The following IRAG1 variants were observed in gnomAD, a reference collection of about 807,000 sequenced individuals.
The protein encoded by IRAG1 is IP3R-associated cGMP kinase substrate.
In IRAG1, 62 loss-of-function variants were observed where a neutral mutation model predicts 106.2. The observed-to-expected ratio is 0.58, with a 90% confidence interval of 0.48 to 0.72. IRAG1 has a LOEUF of 0.72. Among genes scored for constraint, IRAG1 ranks in the 30% least tolerant of loss-of-function variants. The pLI is 0.00. For missense variants in IRAG1, 1,064 were observed against 1,140.7 expected (o/e 0.93, Z 0.97); for synonymous variants, 462 against 443.9 (o/e 1.04, Z -0.51).
chr11:10,664,163 G>T (rs1303261730), intron 1 of IRAG1, among the ~76,000 whole-genome samples: 1 of 152,146 alleles, frequency 6.6e-6, no homozygotes, highest in South Asian at 2.1e-4. Context: ...GCCCCTCTCC[G>T]AGGAACTGGA....
chr11:10,595,890 G>A (rs2134250393), intron 15 of IRAG1: 1 of 152,216 alleles, frequency 6.6e-6, no homozygotes, highest in East Asian at 1.9e-4. Flanking sequence ...TTGTTCCCTT[G>A]TTTATGGCCA....
At chr11:10,582,983 A>G (rs1365790362) in intron 18 of IRAG1, among the ~76,000 whole-genome samples, 1 of 152,190 alleles carries the variant, frequency 6.6e-6, no homozygotes, top group Non-Finnish European at 1.5e-5. Flanking sequence ...TTCCAGGAAG[A>G]GAATGCGGGT....
At position 10,633,980 on chromosome 11, in the gene IRAG1, T is replaced by G; in HGVS notation, c.317A>C (p.Asn106Thr). 6.2e-7 allele frequency: 1 copy of G among 1,610,600 alleles called. No homozygotes were observed. The highest frequency in any genetic ancestry group is 8.5e-7 in the Non-Finnish European group (1 of 1,177,876). Residue 106 changes from asparagine to threonine, a missense_variant, in exon 3 of 21, where the codon AAC (asparagine) becomes ACC (threonine). By Grantham distance (65) the Asn-to-Thr change is moderately conservative (BLOSUM62 0). Coordinates refer to ENST00000423302, the MANE Select transcript of IRAG1 (RefSeq NM_130385.4). ...ATSPEGETDK[N>T]LANRVHSPHK... ...CAGGCACCTGTACCTGTTGGCCAGG[T>G]TTTTGTCGGTTTCTCCTTCTGGTGA...
At chr11:10,685,350 A>C (rs183211606) in intron 1 of IRAG1, among the ~76,000 whole-genome samples, 1 of 149,960 alleles carries the variant, frequency 6.7e-6, no homozygotes, top group African/African-American at 2.4e-5. Flanking sequence ...TGGGAGGCAG[A>C]GGTTGCAGTG....
At chr11:10,684,730 T>G (rs1861539398) in intron 1 of IRAG1, among the ~76,000 whole-genome samples, 1 of 152,018 alleles carries the variant, frequency 6.6e-6, no homozygotes, top group African/African-American at 2.4e-5. Flanking sequence ...GCTGGCTACC[T>G]ACCTTTTCCT....
At chr11:10,636,432 C>A (rs111482970) in intron 2 of IRAG1, among the ~76,000 whole-genome samples, 53 of 152,292 alleles carry the variant, frequency 3.5e-4, no homozygotes, top group African/African-American at 1.2e-3. Flanking sequence ...CCACGTCTGC[C>A]TCTGAAGGTG....
At chr11:10,598,101 A>G (rs915662143) in intron 15 of IRAG1, among the ~76,000 whole-genome samples, 25 of 152,210 alleles carry the variant, frequency 1.6e-4, no homozygotes, top group African/African-American at 5.5e-4. Flanking sequence ...ATCTGAGGAT[A>G]TAGTCCTTGG....
In IRAG1 at chr11:10,576,171, A is replaced by G. The variant is rs940481636; in HGVS notation, c.*161T>C. The G allele has an allele frequency of 7.1e-5, 63 of 882,454 alleles. No individual in the cohort carries two copies. The highest frequency in any genetic ancestry group is 1.0e-4 in the Non-Finnish European group (59 of 588,984). 54.7% of individuals were successfully genotyped at this position (882,454 alleles called of 1,614,324 possible). A position where few individuals can be genotyped will look rare whatever the true frequency, so the allele number is the denominator to read the frequency against. ...CTCCAAGAACATCAAGTCACTGTGT[A>G]TGAATAGCTCCCACAGAAGTGCCGA... On this transcript the variant is annotated 3_prime_UTR_variant, in exon 21 of 21. Coordinates refer to ENST00000423302, the MANE Select transcript of IRAG1 (RefSeq NM_130385.4).
intron 1 of IRAG1, among the ~76,000 whole-genome samples, chr11:10,675,074 G>A (rs1483340161): frequency 6.6e-6 from 1 of 152,256 alleles, no homozygotes; most frequent in Non-Finnish European, 1.5e-5. Context: ...GGCTGCACCA[G>A]TGCTGGGCTG....
chr11:10,602,254 C>T (rs1854093386), intron 14 of IRAG1, among the ~76,000 whole-genome samples: 1 of 152,162 alleles, frequency 6.6e-6, no homozygotes, highest in African/African-American at 2.4e-5. Context: ...GCTGCACCAC[C>T]CCAGGAACCT....
In IRAG1 at chr11:10,618,636, T is replaced by C. The variant is rs573014956; in HGVS notation, c.1447+5142A>G. Among the ~76,000 whole-genome samples the C allele has an allele frequency of 1.1e-4, 16 of 152,262 alleles. No homozygotes were observed. The South Asian group carries it at 2.7e-3, about 26-fold the overall frequency. On this transcript the variant is annotated intron_variant, in intron 10 of 20. Coordinates refer to ENST00000423302, the MANE Select transcript of IRAG1 (RefSeq NM_130385.4). ...CCAAGAAAAGTGACATGAGCAGATA[T>C]CTAAAGATTGAGTTGGGAGTTCATT...
At chr11:10,613,051 T>C (rs892239369) in intron 10 of IRAG1, among the ~76,000 whole-genome samples, 1 of 151,990 alleles carries the variant, frequency 6.6e-6, no homozygotes, top group Admixed American at 6.6e-5. Context: ...AAGATTGAAG[T>C]ATATGGAGAT....
chr11:10,640,988 G>A (rs1201675832), intron 2 of IRAG1, among the ~76,000 whole-genome samples: 1 of 152,188 alleles, frequency 6.6e-6, no homozygotes, highest in East Asian at 1.9e-4. Flanking sequence ...AATTTCAAAT[G>A]TACAACAGAT....
chr11:10,600,435 T>C (rs371656851), intron 15 of IRAG1, among the ~76,000 whole-genome samples: 36 of 152,364 alleles, frequency 2.4e-4, no homozygotes, highest in African/African-American at 7.5e-4. Flanking sequence ...CCCAGTAATG[T>C]AACTGCCACA....
intron 18 of IRAG1, among the ~76,000 whole-genome samples, chr11:10,584,956 C>T (rs867388934): frequency 5.9e-5 from 9 of 152,064 alleles, no homozygotes; most frequent in South Asian, 2.1e-4. Flanking sequence ...AAATATGACT[C>T]ATAAAAAATC....
At chr11:10,579,233 T>C (rs549079989) in intron 20 of IRAG1, among the ~76,000 whole-genome samples, 2 of 152,308 alleles carry the variant, frequency 1.3e-5, no homozygotes, top group Non-Finnish European at 2.9e-5. Flanking sequence ...TTTAGTTGAA[T>C]TCTCCACCAA....
intron 14 of IRAG1, among the ~76,000 whole-genome samples, chr11:10,601,545 C>T (rs1326678023): frequency 6.6e-6 from 1 of 152,150 alleles, no homozygotes; most frequent in African/African-American, 2.4e-5. Context: ...CTGGGACAAT[C>T]GACATAATAA....
chr11:10,693,434 T>A (rs1406946511), intron 1 of IRAG1, 102 bp downstream of exon 1: 1 of 1,482,162 alleles, frequency 6.7e-7, no homozygotes, highest in Admixed American at 2.4e-5. Flanking sequence ...AAGTTAAAGT[T>A]TAGCACCCCC....
chr11:10,664,069 T>C (rs1442296923), intron 1 of IRAG1, among the ~76,000 whole-genome samples: 4 of 152,156 alleles, frequency 2.6e-5, no homozygotes, highest in Non-Finnish European at 4.4e-5. Context: ...TGTTTTTTGA[T>C]AGGGCAGTGC....
Sources: allele counts gnomAD v4.1 joint callset (sites outside exome capture counted in the v4.1 genomes callset), GRCh38; gene constraint gnomAD v4.1.1; transcripts MANE v1.5; gene names NCBI Gene and HGNC (gene_info 2026-07-23, HGNC 2026-07-21).